Variants in ABL1 observed in about 807,000 individuals in gnomAD.
ABL1 encodes tyrosine-protein kinase ABL1.
ABL1 carries 11 observed loss-of-function variants against 94.7 expected under a neutral mutation model. The ratio of observed to expected loss-of-function variants is 0.12; its 90% confidence interval spans 0.07 to 0.19. ABL1 has a LOEUF of 0.19. Among genes scored for constraint, ABL1 ranks in the 10% least tolerant of loss-of-function variants. The probability of loss-of-function intolerance (pLI) is 1.00; values close to 1 mark genes in which losing one functional copy is unlikely to be tolerated. For synonymous variants in ABL1, 656 were observed against 622.4 expected (o/e 1.05, Z -0.80); for missense variants, 1,082 against 1,489.4 (o/e 0.73, Z 4.50).
At chr9:130,839,952 C>T (rs563618387) in intron 1 of ABL1, among the ~76,000 whole-genome samples, 43 of 152,304 alleles carry the variant, frequency 2.8e-4, no homozygotes, top group East Asian at 7.7e-4. Flanking sequence ...GCGCATTCAC[C>T]GAGGCTCACT....
intron 1 of ABL1, among the ~76,000 whole-genome samples, chr9:130,813,067 TAGC>T (rs1830231118): frequency 6.6e-6 from 1 of 151,226 alleles, no homozygotes; most frequent in African/African-American, 2.4e-5. Flanking sequence ...TACCAAAAAT[TAGC>T]TGTGTGTAGT....
chr9:130,848,075 C>A (rs548789773), intron 1 of ABL1, among the ~76,000 whole-genome samples: 38 of 152,262 alleles, frequency 2.5e-4, no homozygotes, highest in African/African-American at 9.1e-4. Context: ...CCTGTGTGGG[C>A]CTGGTCTGCC....
At chr9:130,818,306 C>G (rs576825260) in intron 1 of ABL1, among the ~76,000 whole-genome samples, 2 of 152,086 alleles carry the variant, frequency 1.3e-5, no homozygotes, top group Non-Finnish European at 2.9e-5. Flanking sequence ...CCTGTCTCTA[C>G]TAAAAATATA....
At chr9:130,833,851 T>G (rs146551601), upstream of ABL1, among the ~76,000 whole-genome samples, 579 of 152,332 alleles carry the variant, frequency 3.8e-3, 3 homozygotes, top group African/African-American at 0.013. Flanking sequence ...ACCCGGGTTT[T>G]TGTCATTACA....
intron 1 of ABL1, among the ~76,000 whole-genome samples, chr9:130,752,509 T>C (rs1256395723): frequency 2.6e-5 from 4 of 152,174 alleles, no homozygotes; most frequent in African/African-American, 9.7e-5. Context: ...GCCTCTATGG[T>C]GAATGCCTGG....
At chr9:130,838,709 C>A (rs930871349) in intron 1 of ABL1, among the ~76,000 whole-genome samples, 7 of 152,206 alleles carry the variant, frequency 4.6e-5, no homozygotes, top group Non-Finnish European at 8.8e-5. Flanking sequence ...CTGATTATTT[C>A]TTTCCCCTGG....
rs1198217253 is a variant in ABL1, at chr9:130,863,003, T to TAC, written c.792_793dup (p.Ser265ThrfsTer3). 1 of 1,612,110 alleles carries TAC rather than the reference T, an allele frequency of 6.2e-7. No individual in the cohort carries two copies. Among genetic ancestry groups the TAC allele is most frequent in the Non-Finnish European group, 8.5e-7 (1 of 1,178,648 alleles). ...GGTGTACGAGGGCGTGTGGAAGAAA[T>TAC]ACAGCCTGACGGTGGCCGTGAAGAC... is the stretch of plus-strand genomic sequence containing the variant. On this transcript the variant is annotated frameshift_variant, in exon 4 of 11. Coordinates refer to ENST00000318560, the MANE Select transcript of ABL1 (RefSeq NM_005157.6). LOFTEE classifies it high-confidence loss of function. This position sits in a 1 kb window ranked among gnomAD's most constrained non-coding sequence, Gnocchi z 4.3.
In ABL1 at chr9:130,863,448, C is replaced by G. The variant is rs1325141476; in HGVS notation, c.822+413C>G. Among the ~76,000 whole-genome samples, 1 of 152,122 alleles carries G rather than the reference C, an allele frequency of 6.6e-6. No homozygotes were observed. Among genetic ancestry groups the G allele is most frequent in the Non-Finnish European group, 1.5e-5 (1 of 68,012 alleles). Reference sequence around the variant, plus strand: ...TTTAACCAAAATGCATTTGACTCTTCTGTGGATTTTTGTTGGCTGATTTGG... The same window carrying G: ...TTTAACCAAAATGCATTTGACTCTTGTGTGGATTTTTGTTGGCTGATTTGG... On this transcript the variant is annotated intron_variant, in intron 4 of 10. Coordinates refer to ENST00000318560, the MANE Select transcript of ABL1 (RefSeq NM_005157.6). This position sits in a 1 kb window ranked among gnomAD's most constrained non-coding sequence, Gnocchi z 4.3.
At chr9:130,749,293 A>G (rs1415512964) in intron 1 of ABL1, among the ~76,000 whole-genome samples, 7 of 152,244 alleles carry the variant, frequency 4.6e-5, no homozygotes, top group Admixed American at 4.6e-4. Context: ...AATGCAGAGT[A>G]GAATAATGAA....
At chr9:130,867,164 ATAT>A (rs1251013561) in intron 4 of ABL1, among the ~76,000 whole-genome samples, 8 of 152,224 alleles carry the variant, frequency 5.3e-5, no homozygotes, top group Non-Finnish European at 1.2e-4. Context: ...TGTGCAGGAT[ATAT>A]TTTTTTGAAT....
rs1554757978 is a variant in ABL1 at position 130,735,963 on chromosome 9, T to TATATA, written c.136+21508_136+21509insATATA. On this transcript the variant is annotated intron_variant, in intron 1 of 10. Coordinates refer to the ABL1 transcript ENST00000372348. ...TATATATATATATATATATATATAT[T>TATATA]TTTTTTTTTTAAGACAGGGTCTGGC... is the stretch of plus-strand genomic sequence containing the variant. Among the ~76,000 whole-genome samples the TATATA allele has an allele frequency of 5.8e-3, 448 of 77,852 alleles. 1 individual carries two copies. Among genetic ancestry groups the TATATA allele is most frequent in the Non-Finnish European group, 6.3e-3 (293 of 46,696 alleles). 51.1% of individuals were successfully genotyped at this position (77,852 alleles called of 152,430 possible). A position where few individuals can be genotyped will look rare whatever the true frequency, so the allele number is the denominator to read the frequency against.
intron 1 of ABL1, among the ~76,000 whole-genome samples, chr9:130,730,557 T>C (rs918329725): frequency 2.6e-5 from 4 of 152,100 alleles, no homozygotes; most frequent in African/African-American, 9.7e-5. Flanking sequence ...TTAGGAGTTA[T>C]TTATATTTTT....
chr9:130,825,524 A>C (rs1036928918), intron 1 of ABL1, among the ~76,000 whole-genome samples: 1 of 152,208 alleles, frequency 6.6e-6, no homozygotes, highest in African/African-American at 2.4e-5. Flanking sequence ...CTCATCATAA[A>C]TCTTATCACA....
At chr9:130,781,388 A>C (rs1254108161) in intron 1 of ABL1, among the ~76,000 whole-genome samples, 1 of 151,978 alleles carries the variant, frequency 6.6e-6, no homozygotes, top group Non-Finnish European at 1.5e-5. Flanking sequence ...GCACACACGC[A>C]CTCTTAGCTG....
intron 1 of ABL1, among the ~76,000 whole-genome samples, chr9:130,813,834 C>T (rs1043247742): frequency 3.3e-5 from 5 of 152,162 alleles, no homozygotes; most frequent in Non-Finnish European, 7.3e-5. Context: ...TCTCAACTTA[C>T]ATTTTTCAAT....
At chr9:130,719,685 C>T (rs1831491508) in intron 1 of ABL1, among the ~76,000 whole-genome samples, 1 of 152,182 alleles carries the variant, frequency 6.6e-6, no homozygotes, top group South Asian at 2.1e-4. Context: ...TAAGGGAATA[C>T]CATGTTATTT....
chr9:130,869,797 T>C (rs1831222734), intron 4 of ABL1, among the ~76,000 whole-genome samples: 1 of 152,198 alleles, frequency 6.6e-6, no homozygotes, highest in South Asian at 2.1e-4. Flanking sequence ...TTAACACAAC[T>C]ACAAACGTAG....
intron 1 of ABL1, among the ~76,000 whole-genome samples, chr9:130,735,961 A>ATATATATATATTTTTTTTT (rs573602038): frequency 3.2e-5 from 3 of 94,846 alleles, no homozygotes; most frequent in African/African-American, 1.9e-4. Context: ...ATATATATAT[A>ATATATATATATTTTTTTTT]TTTTTTTTTT....
chr9:130,777,362 A>G (rs539488766), intron 1 of ABL1, among the ~76,000 whole-genome samples: 3 of 152,312 alleles, frequency 2.0e-5, no homozygotes, highest in African/African-American at 4.8e-5. Flanking sequence ...GGAATCAAGG[A>G]ACCTCTCAGG....
Sources: allele counts gnomAD v4.1 joint callset (sites outside exome capture counted in the v4.1 genomes callset), GRCh38; gene constraint gnomAD v4.1.1; non-coding constraint Gnocchi (gnomAD v3.1); transcripts MANE v1.5; gene names NCBI Gene and HGNC (gene_info 2026-07-23, HGNC 2026-07-21).